GRIK2: variants seen among roughly 807,000 people sequenced by gnomAD.
The protein encoded by GRIK2 is glutamate receptor ionotropic, kainate 2.
A neutral mutation model predicts 100.3 loss-of-function variants in GRIK2; 32 were observed. That is an observed-to-expected ratio of 0.32 (90% CI 0.24 to 0.43). The LOEUF is 0.43. GRIK2 is among the 20% of genes least tolerant of loss of function. The pLI is 1.00. For missense variants in GRIK2, 843 were observed against 1,114.9 expected (o/e 0.76, Z 3.47); for synonymous variants, 417 against 389.4 (o/e 1.07, Z -0.83).
intron 4 of GRIK2, among the ~76,000 whole-genome samples, chr6:101,676,358 A>C (rs1770839199): frequency 6.6e-6 from 1 of 152,140 alleles, no homozygotes; most frequent in African/African-American, 2.4e-5. Flanking sequence ...TTATTTTAAC[A>C]AAAATAACAG....
chr6:101,464,497 C>CTTTCTTTTTTTTTTTTTT (rs1771513927), intron 2 of GRIK2, among the ~76,000 whole-genome samples: 1 of 62,012 alleles, frequency 1.6e-5, no homozygotes, highest in African/African-American at 6.2e-5. Flanking sequence ...CTTTTTCTTT[C>CTTTCTTTTTTTTTTTTTT]TTTTTTTTTT....
chr6:101,940,990 G>T (rs1790921085), intron 14 of GRIK2, among the ~76,000 whole-genome samples: 1 of 152,078 alleles, frequency 6.6e-6, no homozygotes, highest in Admixed American at 6.6e-5. Flanking sequence ...TAGAGCATGT[G>T]ATTTGTGCAT....
At chr6:101,713,260 T>A (rs1007973185) in intron 7 of GRIK2, among the ~76,000 whole-genome samples, 4 of 150,950 alleles carry the variant, frequency 2.6e-5, no homozygotes, top group African/African-American at 9.7e-5. Flanking sequence ...TTTGTATGCA[T>A]GAAAAAACCT....
chr6:101,514,278 A>G (rs1481619519), intron 2 of GRIK2, among the ~76,000 whole-genome samples: 1 of 152,110 alleles, frequency 6.6e-6, no homozygotes, highest in Non-Finnish European at 1.5e-5. Flanking sequence ...TATGGCTCCA[A>G]CGATTGGAGG....
chr6:101,772,183 C>T (rs1452335198), intron 7 of GRIK2, among the ~76,000 whole-genome samples: 2 of 152,192 alleles, frequency 1.3e-5, no homozygotes, highest in African/African-American at 4.8e-5. Flanking sequence ...TTATAATCCA[C>T]CAGTCTGGGA....
chr6:102,039,649 C>A (rs1451092491), intron 15 of GRIK2, among the ~76,000 whole-genome samples: 1 of 151,470 alleles, frequency 6.6e-6, no homozygotes, highest in African/African-American at 2.4e-5. Flanking sequence ...ACTGCCTGTA[C>A]TTAAAAGCCT....
Position 102,035,445 on chromosome 6 carries a change from C to A in GRIK2, c.2190C>A (p.Thr730=). 6.2e-7 allele frequency: 1 copy of A among 1,608,136 alleles called. No homozygotes were observed. Among genetic ancestry groups the A allele is most frequent in the Non-Finnish European group, 8.5e-7 (1 of 1,175,542 alleles). ...AAGAAGGAATCCAGCGAGTCCTCAC[C>A]TCTGATTATGCTTTCCTAATGGAGT... ...SNEEGIQRVL[T]SDYAFLMEST... The change falls in exon 15 of 17, where the codon ACC becomes ACA. Residue 730 remains threonine (T), a synonymous_variant. Transcript: ENST00000369134.
chr6:101,702,958 T>C (rs181092825), intron 7 of GRIK2, among the ~76,000 whole-genome samples: 9 of 151,990 alleles, frequency 5.9e-5, no homozygotes, highest in Admixed American at 2.0e-4. Context: ...GGGTATCCTT[T>C]TGATGCATTA....
intron 2 of GRIK2, among the ~76,000 whole-genome samples, chr6:101,583,573 G>A (rs945809310): frequency 6.6e-6 from 1 of 152,064 alleles, no homozygotes; most frequent in Non-Finnish European, 1.5e-5. Context: ...GCATCAGATA[G>A]TGGACTTGCT....
chr6:101,605,167 T>C (rs1779387546), intron 2 of GRIK2, among the ~76,000 whole-genome samples: 1 of 152,014 alleles, frequency 6.6e-6, no homozygotes, highest in Non-Finnish European at 1.5e-5. Flanking sequence ...GCTTGATGCT[T>C]ATGTTCAGAA....
At chr6:101,787,132 A>AT (rs142804670) in intron 7 of GRIK2, among the ~76,000 whole-genome samples, 10,926 of 151,156 alleles carry the variant, frequency 0.072, 450 homozygotes, top group African/African-American at 0.12. Context: ...GTCTTTTAGG[A>AT]TTTTTTTGTA....
At chr6:101,725,191 G>C (rs1774775252) in intron 7 of GRIK2, among the ~76,000 whole-genome samples, 1 of 151,970 alleles carries the variant, frequency 6.6e-6, no homozygotes, top group Admixed American at 6.6e-5. Context: ...GTGAACTTTT[G>C]CAGCTATTGA....
At chr6:101,931,487 A>T (rs1790282498) in intron 14 of GRIK2, among the ~76,000 whole-genome samples, 1 of 152,136 alleles carries the variant, frequency 6.6e-6, no homozygotes, top group East Asian at 1.9e-4. Context: ...TAGCAAGAAG[A>T]GCTGGCTCCA....
intron 14 of GRIK2, among the ~76,000 whole-genome samples, chr6:101,962,895 T>C (rs1224242887): frequency 6.6e-6 from 1 of 152,170 alleles, no homozygotes; most frequent in East Asian, 1.9e-4. Context: ...GCCATTTGCC[T>C]GACATATCTT....
rs948742455 is a variant in GRIK2, at chr6:102,005,703, C to G, written c.2086-29638C>G. 2.6e-5 allele frequency among the ~76,000 whole-genome samples: 4 copies of G among 152,192 alleles called. No individual in the cohort carries two copies. In the East Asian group the frequency reaches 7.7e-4, roughly 29 times the overall value. ...CAGTAAATTTGCTTTTACGCCAAACCTCAAACGTAATCAGTGAAAATATAT... is the reference window on the plus strand; with the variant it reads ...CAGTAAATTTGCTTTTACGCCAAACGTCAAACGTAATCAGTGAAAATATAT... On this transcript the variant is annotated intron_variant, in intron 14 of 16. Transcript: ENST00000369134.
At chr6:101,585,589 TAAAG>T (rs974659045) in intron 2 of GRIK2, among the ~76,000 whole-genome samples, 1 of 152,072 alleles carries the variant, frequency 6.6e-6, no homozygotes, top group African/African-American at 2.4e-5. Context: ...TGTTTCCACT[TAAAG>T]AACACATGCA....
intron 7 of GRIK2, among the ~76,000 whole-genome samples, chr6:101,750,292 G>C (rs1776706934): frequency 6.6e-6 from 1 of 152,138 alleles, no homozygotes; most frequent in Non-Finnish European, 1.5e-5. Context: ...TTGAACATAA[G>C]TTTCTTAGAC....
chr6:101,683,655 A>G (rs1771452777), intron 6 of GRIK2, among the ~76,000 whole-genome samples: 1 of 152,180 alleles, frequency 6.6e-6, no homozygotes, highest in Non-Finnish European at 1.5e-5. Context: ...ACTGGTTTGT[A>G]TTTAGAGCCT....
chr6:101,912,255 A>G (rs1034161136), intron 12 of GRIK2, among the ~76,000 whole-genome samples: 6 of 151,510 alleles, frequency 4.0e-5, no homozygotes, highest in Non-Finnish European at 8.9e-5. Context: ...TGGTTGGCAA[A>G]TAGAACAAGT....
Sources: gnomAD v4.1 joint callset for allele counts (sites outside exome capture counted in the v4.1 genomes callset) on GRCh38, gnomAD v4.1.1 for gene constraint, MANE v1.5 for transcripts, NCBI Gene and HGNC (gene_info 2026-07-23, HGNC 2026-07-21) for gene names.